Variants in WDR27 observed in about 807,000 individuals in gnomAD.
WDR27 encodes WD repeat-containing protein 27.
In WDR27, 100 loss-of-function variants were observed where a neutral mutation model predicts 114.4. The ratio of observed to expected loss-of-function variants is 0.87; its 90% CI spans 0.74 to 1.03. WDR27 has a LOEUF of 1.03. Among genes scored for constraint, WDR27 ranks in the 50% least tolerant of loss-of-function variants. The pLI is 0.00. For missense variants in WDR27, 1,129 were observed against 1,092.9 expected, an observed-to-expected ratio of 1.03 and a Z score of -0.47; for synonymous variants, 449 against 423.1, an observed-to-expected ratio of 1.06 and a Z score of -0.75.
intron 1 of WDR27, among the ~76,000 whole-genome samples, chr6:169,697,031 G>C (rs1786270999): frequency 1.3e-5 from 2 of 152,188 alleles, no homozygotes; most frequent in African/African-American, 4.8e-5. Context: ...AGGTGCCGAG[G>C]CAAGAGACCG....
intron 17 of WDR27, among the ~76,000 whole-genome samples, chr6:169,641,088 T>G (rs1819029949): frequency 6.6e-6 from 1 of 152,216 alleles, no homozygotes. Context: ...GCACCGGCAA[T>G]GCAGGGGTTG....
chr6:169,659,605 C>T lies in WDR27; in HGVS notation c.1130-87G>A, dbSNP rs1825397179. 15 of 1,267,434 alleles carry T rather than the reference C, an allele frequency of 1.2e-5. No individual in the cohort carries two copies. In the South Asian group the frequency reaches 1.3e-4, roughly 11 times the overall value. The allele number at this position is 1,267,434 out of a possible 1,614,324, so 78.5% of individuals were successfully genotyped here. On this transcript the variant is annotated intron_variant, in intron 10 of 25. Coordinates refer to ENST00000448612, the MANE Select transcript of WDR27 (RefSeq NM_182552.5). This position sits in a 1 kb window ranked among gnomAD's most constrained non-coding sequence, Gnocchi z 4.3. ...GTCACTGCCCAGAGCCCACCACACACAGCCCAGAGCCCACCACACACAGTC... is the reference window on the plus strand; with the variant it reads ...GTCACTGCCCAGAGCCCACCACACATAGCCCAGAGCCCACCACACACAGTC...
downstream of WDR27, among the ~76,000 whole-genome samples, chr6:169,456,689 G>A (rs1049429474): frequency 1.3e-5 from 2 of 152,158 alleles, no homozygotes; most frequent in South Asian, 2.1e-4. This position sits in a 1 kb window ranked among gnomAD's most constrained non-coding sequence, Gnocchi z 4.0. Context: ...GCTGTGCACA[G>A]AGACAAAGGT....
At chr6:169,670,803 T>G (rs2128294918) in intron 3 of WDR27, 110 bp from the exon 4 acceptor site, 1 of 1,378,654 alleles carries the variant, frequency 7.3e-7, no homozygotes, top group East Asian at 2.4e-5. Context: ...ACTGAGAGAA[T>G]GACAATGAGC....
intron 1 of WDR27, among the ~76,000 whole-genome samples, chr6:169,695,202 G>T (rs1785559642): frequency 1.3e-5 from 2 of 152,180 alleles, no homozygotes; most frequent in Admixed American, 1.3e-4. Context: ...CCTAAGAGCA[G>T]GGTTTAAACA....
chr6:169,592,658 G>T (rs1022200721), intron 23 of WDR27, among the ~76,000 whole-genome samples: 1 of 152,086 alleles, frequency 6.6e-6, no homozygotes, highest in South Asian at 2.1e-4. Context: ...CTTTTCAGTG[G>T]TAATATCTGT....
intron 23 of WDR27, among the ~76,000 whole-genome samples, chr6:169,596,765 A>G (rs909013029): frequency 6.6e-6 from 1 of 152,172 alleles, no homozygotes; most frequent in Non-Finnish European, 1.5e-5. Context: ...TTCTACATAG[A>G]GAGCTTGCAG....
intron 2 of WDR27, 94 bp downstream of exon 2, chr6:169,688,723 A>G (rs1482847543): frequency 1.2e-6 from 1 of 868,952 alleles, no homozygotes; most frequent in Non-Finnish European, 1.6e-6. Flanking sequence ...TGGTAGCTGA[A>G]TCCACAGAGG....
intron 14 of WDR27, among the ~76,000 whole-genome samples, chr6:169,650,658 C>T (rs1295791961): frequency 2.0e-5 from 3 of 149,514 alleles, no homozygotes; most frequent in African/African-American, 4.9e-5. Flanking sequence ...CCCCACCATC[C>T]ATCCACCAAC....
chr6:169,641,305 G>A (rs1819100060), intron 17 of WDR27, among the ~76,000 whole-genome samples: 1 of 151,840 alleles, frequency 6.6e-6, no homozygotes, highest in Non-Finnish European at 1.5e-5. Flanking sequence ...ACGAATCACC[G>A]CAGGCAAGGC....
At chr6:169,664,504 A>C (rs1418144125) in intron 7 of WDR27, 2 of 1,407,168 alleles carry the variant, frequency 1.4e-6, no homozygotes, top group Non-Finnish European at 1.8e-6. Flanking sequence ...CGGCTGGCAC[A>C]TCAGCTCAGG....
At chr6:169,560,312 C>T (rs1799510752) in intron 25 of WDR27, among the ~76,000 whole-genome samples, 1 of 152,204 alleles carries the variant, frequency 6.6e-6, no homozygotes, top group African/African-American at 2.4e-5. Context: ...TCTGGGAGGC[C>T]TCCCCAGCCA....
At chr6:169,571,969 G>C (rs1164674477) in intron 25 of WDR27, among the ~76,000 whole-genome samples, 1 of 152,122 alleles carries the variant, frequency 6.6e-6, no homozygotes, top group Non-Finnish European at 1.5e-5. Context: ...CTGTCAGTCA[G>C]GAATTAAAAA....
intron 25 of WDR27, among the ~76,000 whole-genome samples, chr6:169,490,314 C>G (rs540081044): frequency 6.6e-6 from 1 of 152,354 alleles, no homozygotes; most frequent in South Asian, 2.1e-4. Context: ...GTGGAGGAGA[C>G]AGACCCCATG....
At chr6:169,694,834 G>C (rs1785423180) in intron 1 of WDR27, among the ~76,000 whole-genome samples, 1 of 152,216 alleles carries the variant, frequency 6.6e-6, no homozygotes. Flanking sequence ...ACCGTTGCAG[G>C]GCGCTGCGGA....
chr6:169,655,223 G>A (rs1396555082), intron 13 of WDR27, among the ~76,000 whole-genome samples: 1 of 152,238 alleles, frequency 6.6e-6, no homozygotes, highest in Non-Finnish European at 1.5e-5. Context: ...AGAGCTCCGG[G>A]CAGGAGAGGC....
At chr6:169,633,208 G>A (rs192694717) in intron 20 of WDR27, 140 bp from the exon 21 acceptor site, 420 of 989,900 alleles carry the variant, frequency 4.2e-4, no homozygotes, top group Admixed American at 2.6e-3. Context: ...CTGAAATGCC[G>A]CAGGAAAAGT....
intron 25 of WDR27, among the ~76,000 whole-genome samples, chr6:169,459,847 T>A (rs1784713239): frequency 6.6e-6 from 1 of 152,062 alleles, no homozygotes; most frequent in Non-Finnish European, 1.5e-5. Flanking sequence ...CAACCAAGAA[T>A]CTTATACCAG....
chr6:169,549,193 A>G (rs11968966), intron 25 of WDR27, among the ~76,000 whole-genome samples: 5,580 of 152,272 alleles, frequency 0.037, 264 homozygotes, highest in African/African-American at 0.11. Flanking sequence ...AAAGAAAATA[A>G]CCCGATAAAA....
Sources: gnomAD v4.1 joint callset for allele counts (sites outside exome capture counted in the v4.1 genomes callset) on GRCh38, gnomAD v4.1.1 for gene constraint, Gnocchi (gnomAD v3.1) non-coding constraint, MANE v1.5 for transcripts, NCBI Gene and HGNC (gene_info 2026-07-23, HGNC 2026-07-21) for gene names.